The following RPGR variants were observed in gnomAD, a reference collection of about 807,000 sequenced individuals.
RPGR encodes the protein X-linked retinitis pigmentosa GTPase regulator.
In RPGR, 10 loss-of-function variants were observed where a neutral mutation model predicts 56.3. The observed-to-expected ratio is 0.18, with a 90% confidence interval of 0.11 to 0.30. The LOEUF (loss-of-function observed/expected upper bound fraction) is 0.30, where lower values mean the gene tolerates loss of function less well. RPGR is among the 10% of genes least tolerant of loss of function. The probability of loss-of-function intolerance (pLI) is 1.00; values close to 1 mark genes in which losing one functional copy is unlikely to be tolerated. For missense variants in RPGR, 538 were observed against 590.9 expected (o/e 0.91, Z 0.93); for synonymous variants, 197 against 212.9 (o/e 0.93, Z 0.65).
At chrX:38,271,930 T>C (rs184983812) in intron 18 of RPGR, among the ~76,000 whole-genome samples, 1 of 112,293 alleles carries the variant, frequency 8.9e-6, no homozygotes, top group African/African-American at 3.2e-5. Flanking sequence ...TAAAACAAGA[T>C]ACTGATTTTA....
At chrX:38,281,898 G>A (rs1035405328) in intron 15 of RPGR, among the ~76,000 whole-genome samples, 1 of 107,345 alleles carries the variant, frequency 9.3e-6, no homozygotes, top group Non-Finnish European at 1.9e-5. Flanking sequence ...AATAATGGCT[G>A]TTCTCACAGA....
intron 8 of RPGR, 23 bp downstream of exon 8, chrX:38,304,612 A>G (rs1273839077): frequency 2.7e-6 from 3 of 1,125,274 alleles, no homozygotes; most frequent in South Asian, 1.8e-5. Flanking sequence ...CTATAAATAT[A>G]TAACAGAAAT....
chrX:38,315,654 T>C, intron 6 of RPGR, among the ~76,000 whole-genome samples: 1 of 110,797 alleles, frequency 9.0e-6, no homozygotes. Context: ...AACAGGATGA[T>C]TACAATCAAA....
intron 6 of RPGR, among the ~76,000 whole-genome samples, chrX:38,311,743 G>C (rs1237869195): frequency 9.0e-6 from 1 of 111,522 alleles, no homozygotes; most frequent in Non-Finnish European, 1.9e-5. Context: ...ATTATTGAGG[G>C]TCCTGAGTTT....
intron 6 of RPGR, among the ~76,000 whole-genome samples, chrX:38,315,775 C>T (rs2067809908): frequency 1.9e-5 from 2 of 105,893 alleles, no homozygotes; most frequent in South Asian, 4.3e-4. Context: ...GATTATTGCC[C>T]ATCACATGCC....
At chrX:38,291,183 C>A (rs191626466) in intron 12 of RPGR, among the ~76,000 whole-genome samples, 159 bp from the exon 13 acceptor site, 221 of 105,498 alleles carry the variant, frequency 2.1e-3, no homozygotes, top group Non-Finnish European at 3.2e-3. Context: ...GTAATAGAAT[C>A]CGCTCTCAAT....
chrX:38,296,598 A>G (rs137951549), intron 11 of RPGR, among the ~76,000 whole-genome samples: 1,335 of 111,710 alleles, frequency 0.012, 21 homozygotes, highest in African/African-American at 0.04. Context: ...AACAACATTT[A>G]CTGAGGTGTT....
chrX:38,317,067 AG>A (rs2067839849), intron 6 of RPGR, among the ~76,000 whole-genome samples: 1 of 111,677 alleles, frequency 9.0e-6, no homozygotes, highest in Non-Finnish European at 1.9e-5. Flanking sequence ...GTCCCACCAA[AG>A]GAAACTATAT....
intron 3 of RPGR, among the ~76,000 whole-genome samples, 194 bp downstream of exon 3, chrX:38,322,659 A>C (rs1276028868): frequency 2.7e-5 from 3 of 112,405 alleles, no homozygotes; most frequent in Admixed American, 9.5e-5. Context: ...ATTTAAAATC[A>C]ATCTGATTTT....
chrX:38,327,251 T>TC, intron 1 of RPGR, 89 bp downstream of exon 1: 1 of 954,749 alleles, frequency 1.0e-6, no homozygotes, highest in Non-Finnish European at 1.4e-6. Flanking sequence ...CTGGGGCCTG[T>TC]CCCCCTACAG....
At chrX:38,284,828 G>C (rs1329620182) in intron 15 of RPGR, 1 of 748,509 alleles carries the variant, frequency 1.3e-6, no homozygotes, top group African/African-American at 2.3e-5. Context: ...ACCTTTGCCT[G>C]GACAAAAAAT....
At chrX:38,318,707 A>T (rs2067871154) in intron 5 of RPGR, 122 bp downstream of exon 5, 1 of 717,113 alleles carries the variant, frequency 1.4e-6, no homozygotes, top group East Asian at 3.5e-5. Context: ...TGTTTTCTGA[A>T]AGCACATAGA....
chrX:38,311,252 A>G (rs767096093), intron 6 of RPGR, among the ~76,000 whole-genome samples: 1 of 112,360 alleles, frequency 8.9e-6, no homozygotes, highest in Non-Finnish European at 1.9e-5. Context: ...GATTTTACCC[A>G]TTTAGATGGC....
At chrX:38,308,711 A>C (rs746219498) in intron 7 of RPGR, among the ~76,000 whole-genome samples, 2 of 111,840 alleles carry the variant, frequency 1.8e-5, no homozygotes, top group Non-Finnish European at 3.8e-5. Context: ...AAATTATATA[A>C]AATTCACTTT....
intron 15 of RPGR, among the ~76,000 whole-genome samples, chrX:38,281,255 A>C (rs887453292): frequency 8.9e-6 from 1 of 112,607 alleles, no homozygotes; most frequent in Non-Finnish European, 1.9e-5. Context: ...TTATGTGCTA[A>C]TTATTTTTAT....
At chrX:38,324,439 T>C (rs1023749592) in intron 1 of RPGR, among the ~76,000 whole-genome samples, 26 of 110,563 alleles carry the variant, frequency 2.4e-4, no homozygotes, top group African/African-American at 7.3e-4. Context: ...GTAATCCCAA[T>C]GAATACCCAT....
chrX:38,301,985 T>C (rs2067509830), intron 8 of RPGR, among the ~76,000 whole-genome samples: 1 of 111,719 alleles, frequency 9.0e-6, no homozygotes, highest in South Asian at 3.8e-4. Context: ...TCTCTACTAC[T>C]GGCTTAGCTT....
At chrX:38,287,768 C>A (rs770798099) in intron 14 of RPGR, 93 bp downstream of exon 14, 7 of 831,462 alleles carry the variant, frequency 8.4e-6, no homozygotes, top group Non-Finnish European at 1.3e-5. Context: ...TCAAGTTGAT[C>A]AACACCATTA....
chrX:38,316,024 AT>A (rs1294391566), intron 6 of RPGR, among the ~76,000 whole-genome samples: 1 of 111,120 alleles, frequency 9.0e-6, no homozygotes, highest in Non-Finnish European at 1.9e-5. Flanking sequence ...TGAAATACAT[AT>A]TAAGTAAAAC....
Sources: allele counts gnomAD v4.1 joint callset (sites outside exome capture counted in the v4.1 genomes callset), GRCh38; gene constraint gnomAD v4.1.1; transcripts MANE v1.5; gene names NCBI Gene and HGNC (gene_info 2026-07-23, HGNC 2026-07-21).